The following PRKG1 variants were observed in gnomAD, a reference collection of about 807,000 sequenced individuals.
PRKG1 encodes the protein protein kinase cGMP-dependent 1.
Under a neutral mutation model 88.1 loss-of-function variants are expected in PRKG1, and 35 were observed. The ratio of observed to expected loss-of-function variants is 0.40; its 90% confidence interval spans 0.30 to 0.53. The LOEUF (loss-of-function observed/expected upper bound fraction) is 0.53. Ranked by LOEUF, PRKG1 falls within the 20% of genes least tolerant of loss-of-function variation. PRKG1 has a pLI of 0.59. For synonymous variants in PRKG1, 303 were observed against 292.5 expected (o/e 1.04, Z -0.37); for missense variants, 540 against 839.8 (o/e 0.64, Z 4.41).
chr10:51,113,946 T>C (rs1214263897), intron 1 of PRKG1, among the ~76,000 whole-genome samples: 1 of 58,580 alleles, frequency 1.7e-5, no homozygotes, highest in Non-Finnish European at 4.3e-5. Flanking sequence ...CCTGTAAACG[T>C]GTGTGTGTGT....
chr10:51,996,187 T>C (rs1479786164), intron 5 of PRKG1, among the ~76,000 whole-genome samples: 1 of 151,764 alleles, frequency 6.6e-6, no homozygotes, highest in African/African-American at 2.4e-5. Flanking sequence ...TGGTGGCGCA[T>C]GCCTGTAGTC....
intron 1 of PRKG1, among the ~76,000 whole-genome samples, chr10:51,002,152 A>G (rs1287421115): frequency 6.6e-6 from 1 of 152,074 alleles, no homozygotes; most frequent in African/African-American, 2.4e-5. Context: ...AGGAGAAAAC[A>G]GAGAAATAAT....
At chr10:51,699,833 C>T (rs3812671) in intron 3 of PRKG1, among the ~76,000 whole-genome samples, 13,899 of 152,204 alleles carry the variant, frequency 0.091, 767 homozygotes, top group African/African-American at 0.15. Context: ...CCCAACAGCC[C>T]CACTACGACA....
At chr10:52,076,328 A>G (rs1036086472) in intron 7 of PRKG1, among the ~76,000 whole-genome samples, 23 of 152,252 alleles carry the variant, frequency 1.5e-4, no homozygotes, top group Non-Finnish European at 2.8e-4. Context: ...AGGCCGAGGC[A>G]GGCCAATCAC....
chr10:51,776,699 C>T (rs1838446450), intron 3 of PRKG1, among the ~76,000 whole-genome samples: 1 of 151,990 alleles, frequency 6.6e-6, no homozygotes, highest in African/African-American at 2.4e-5. Flanking sequence ...GTGGGACACA[C>T]CTGTTAATCC....
intron 1 of PRKG1, among the ~76,000 whole-genome samples, chr10:51,006,271 T>G (rs1049254939): frequency 5.3e-5 from 8 of 152,212 alleles, no homozygotes; most frequent in African/African-American, 1.9e-4. Flanking sequence ...AAAGACACTT[T>G]GTGTCCGTAC....
intron 3 of PRKG1, among the ~76,000 whole-genome samples, chr10:51,719,135 G>A (rs1392274883): frequency 7.2e-6 from 1 of 139,302 alleles, no homozygotes; most frequent in Non-Finnish European, 1.6e-5. Context: ...GGGAGACAGA[G>A]CAATATCCTG....
At chr10:52,164,689 G>A (rs1838382083) in intron 9 of PRKG1, among the ~76,000 whole-genome samples, 1 of 152,044 alleles carries the variant, frequency 6.6e-6, no homozygotes, top group African/African-American at 2.4e-5. Context: ...TTCAAATATT[G>A]CTATTTGAAA....
At chr10:51,763,855 T>C (rs1167034715) in intron 3 of PRKG1, among the ~76,000 whole-genome samples, 1 of 152,132 alleles carries the variant, frequency 6.6e-6, no homozygotes, top group Non-Finnish European at 1.5e-5. Flanking sequence ...AGTCTCAAGG[T>C]AGGGCAGGAC....
intron 2 of PRKG1, among the ~76,000 whole-genome samples, chr10:51,198,445 A>T (rs1370632255): frequency 6.6e-6 from 1 of 152,212 alleles, no homozygotes; most frequent in African/African-American, 2.4e-5. Context: ...TCACAGTCGG[A>T]TGTAAAAACC....
chr10:51,841,937 C>T (rs1290744553), intron 4 of PRKG1, among the ~76,000 whole-genome samples: 2 of 152,176 alleles, frequency 1.3e-5, no homozygotes, highest in Non-Finnish European at 2.9e-5. Flanking sequence ...CCCGCCTCAG[C>T]CTCCCAAAGT....
In PRKG1 at chr10:51,152,727, A is replaced by G. The variant is rs369051449; in HGVS notation, c.312-437A>G. 3.3e-5 allele frequency among the ~76,000 whole-genome samples: 5 copies of G among 152,194 alleles called. No homozygotes were observed. In the East Asian group the frequency reaches 7.7e-4, roughly 24 times the overall value. On this transcript the variant is annotated intron_variant, in intron 1 of 17. Transcript: ENST00000373980. The stretch of plus-strand genomic sequence containing the variant: ...TTTCTATAATTGTGTATAGTACAAT[A>G]CATCCCTGATATTCTTTTATAAATA...
At chr10:51,439,720 A>G (rs570124030) in intron 2 of PRKG1, among the ~76,000 whole-genome samples, 2 of 152,058 alleles carry the variant, frequency 1.3e-5, no homozygotes, top group East Asian at 3.9e-4. Context: ...CGAGGCCCTC[A>G]AGGGCAGGAT....
chr10:51,989,477 A>G (rs575245789), intron 5 of PRKG1, among the ~76,000 whole-genome samples: 82 of 152,208 alleles, frequency 5.4e-4, no homozygotes, highest in Admixed American at 1.4e-3. Flanking sequence ...TGAGTCCAGT[A>G]TAGAGACAGT....
At chr10:51,383,666 G>A (rs941415088) in intron 2 of PRKG1, among the ~76,000 whole-genome samples, 5 of 152,066 alleles carry the variant, frequency 3.3e-5, no homozygotes, top group African/African-American at 7.2e-5. Flanking sequence ...CCATATCAAA[G>A]CTCCTCATGT....
intron 3 of PRKG1, among the ~76,000 whole-genome samples, chr10:51,531,838 T>C (rs767669714): frequency 3.6e-4 from 55 of 151,454 alleles, no homozygotes; most frequent in Non-Finnish European, 5.5e-4. Context: ...AGACACGGGG[T>C]TTTACCATGT....
At chr10:51,873,837 G>A (rs1434223348) in intron 4 of PRKG1, among the ~76,000 whole-genome samples, 1 of 152,122 alleles carries the variant, frequency 6.6e-6, no homozygotes, top group Admixed American at 6.5e-5. Context: ...CCAAGAAACA[G>A]AATTTTTATA....
chr10:51,163,639 A>G (rs1403759038), intron 2 of PRKG1, among the ~76,000 whole-genome samples: 1 of 152,180 alleles, frequency 6.6e-6, no homozygotes. Flanking sequence ...TCCCTTTCCT[A>G]GTCAAAGAAA....
At chr10:51,097,654 C>T (rs1221542997) in intron 1 of PRKG1, among the ~76,000 whole-genome samples, 1 of 152,080 alleles carries the variant, frequency 6.6e-6, no homozygotes, top group Admixed American at 6.6e-5. Flanking sequence ...TCCAAAGTTC[C>T]AAAAGCACTT....
Sources: allele counts gnomAD v4.1 joint callset (sites outside exome capture counted in the v4.1 genomes callset), GRCh38; gene constraint gnomAD v4.1.1; transcripts MANE v1.5; gene names NCBI Gene and HGNC (gene_info 2026-07-23, HGNC 2026-07-21).